The following MFAP5 variants were observed in gnomAD, a reference collection of about 807,000 sequenced individuals.
MFAP5 encodes the protein microfibril associated protein 5.
In MFAP5, 19 loss-of-function variants were observed where a neutral mutation model predicts 30.1. The ratio of observed to expected loss-of-function variants is 0.63; its 90% CI spans 0.44 to 0.93. The LOEUF is 0.93. MFAP5 is among the 40% of genes least tolerant of loss of function. The probability of loss-of-function intolerance (pLI) is 0.00; values close to 1 mark genes in which losing one functional copy is unlikely to be tolerated. For missense variants in MFAP5, 210 were observed against 221.3 expected (o/e 0.95, Z 0.32); for synonymous variants, 92 against 72.9 (o/e 1.26, Z -1.33).
chr12:8,656,649 CATATATAT>C (rs757365767), intron 3 of MFAP5, among the ~76,000 whole-genome samples: 1 of 109,076 alleles, frequency 9.2e-6, no homozygotes, highest in Non-Finnish European at 1.9e-5. Context: ...CACACACACA[CATATATAT>C]ATATATATAT....
chr12:8,655,192 C>A (rs1243954382), intron 5 of MFAP5, among the ~76,000 whole-genome samples: 1 of 151,838 alleles, frequency 6.6e-6, no homozygotes, highest in Non-Finnish European at 1.5e-5. Flanking sequence ...GCAGGAGAAC[C>A]ACTTGAACCC....
rs1482337777 is a variant in MFAP5, at chr12:8,662,098, G to A, written c.7C>T (p.Leu3Phe). 6.1e-5 allele frequency: 98 copies of A among 1,613,492 alleles called. No individual in the cohort carries two copies. The Admixed American group carries it at 1.1e-3, about 17-fold the overall frequency. ...AACAGCAGCACCTTGGGTCCCAAGA[G>A]CGACATATCTATAGGGGTGGTGGGC... MSLLGPKVLLFLA... is the reference protein window; with the variant it reads MSFLGPKVLLFLA... Residue 3 changes from leucine (L) to phenylalanine (F), a missense_variant, in exon 2 of 10, where the codon CTC becomes TTC. By Grantham distance (22) the Leu-to-Phe change is conservative. Coordinates refer to ENST00000359478, the MANE Select transcript of MFAP5 (RefSeq NM_003480.4).
rs371748121 is a variant in MFAP5 at position 8,660,915 on chromosome 12, G to A, written c.59-17C>T. The A allele has an allele frequency of 6.2e-7, 1 of 1,606,926 alleles. No individual in the cohort carries two copies. The highest frequency in any genetic ancestry group is 8.5e-7 in the Non-Finnish European group (1 of 1,174,140). ...GTATCCAGTCTATAGCAAAGGAAGA[G>A]AAAAGAGATGTGAGTGACTGCAGCT... On this transcript the variant is annotated splice_polypyrimidine_tract_variant and intron_variant, in intron 2 of 9. Transcript: ENST00000359478.
chr12:8,655,732 TTATC>T lies in MFAP5; in HGVS notation c.139+50_139+53del, dbSNP rs3217474. The T allele has an allele frequency of 8.8e-4, 1,375 of 1,569,286 alleles. 2 individuals carry two copies. Among genetic ancestry groups the T allele is most frequent in the African/African-American group, 8.0e-3 (589 of 73,854 alleles). Reference sequence around the variant, plus strand: ...TTTTTCTTTATGTAGACATGATCCTTTATCTATCCCCAATAAAACAGCAAACAAA... The same window carrying T: ...TTTTTCTTTATGTAGACATGATCCTTTATCCCCAATAAAACAGCAAACAAA... On this transcript the variant is annotated intron_variant, in intron 4 of 9. Transcript: ENST00000359478.
chr12:8,654,343 T>C (rs990343933), intron 6 of MFAP5, 94 bp downstream of exon 6: 2 of 1,259,546 alleles, frequency 1.6e-6, no homozygotes, highest in Non-Finnish European at 2.2e-6. Flanking sequence ...CCTGTCTTTT[T>C]AGGATCCTTC....
intron 6 of MFAP5, among the ~76,000 whole-genome samples, chr12:8,653,956 C>T (rs1474912767): frequency 6.6e-6 from 1 of 152,100 alleles, no homozygotes. Context: ...GAAACCCCAT[C>T]TCTACTAAAA....
At chr12:8,657,802 C>T (rs1288697272) in intron 3 of MFAP5, among the ~76,000 whole-genome samples, 4 of 151,908 alleles carry the variant, frequency 2.6e-5, no homozygotes, top group African/African-American at 4.8e-5. Context: ...GAGCTCCTGA[C>T]CTCAGGTGAT....
In MFAP5 at chr12:8,654,494, A is replaced by G; in HGVS notation, c.173-13T>C. The G allele has an allele frequency of 1.9e-6, 3 of 1,600,060 alleles. No individual in the cohort carries two copies. Among genetic ancestry groups the G allele is most frequent in the Non-Finnish European group, 1.7e-6 (2 of 1,172,966 alleles). On this transcript the variant is annotated splice_polypyrimidine_tract_variant and intron_variant, in intron 5 of 9. Transcript: ENST00000359478. ...AAAACAGCCAAAACTGAAAAGGCAC[A>G]AAACAGCAGGTATGAGGAGGGCTTC...
Position 8,646,204 on chromosome 12 carries a change from G to C in MFAP5, c.*1887C>G, listed in dbSNP as rs1227983014. The C allele has an allele frequency of 6.6e-6, 1 of 152,526 alleles. No individual in the cohort carries two copies. The highest frequency in any genetic ancestry group is 1.5e-5 in the Non-Finnish European group (1 of 68,046). 9.4% of individuals were successfully genotyped at this position (152,526 alleles called of 1,614,324 possible). A position where few individuals can be genotyped will look rare whatever the true frequency, so the allele number is the denominator to read the frequency against. ...TACATTTAATTCTAGAGACTGTAAGGAGTAGAGATTATATGCTTTGGGGCT... is the reference window on the plus strand; with the variant it reads ...TACATTTAATTCTAGAGACTGTAAGCAGTAGAGATTATATGCTTTGGGGCT... On this transcript the variant is annotated 3_prime_UTR_variant, in exon 10 of 10. Coordinates refer to ENST00000359478, the MANE Select transcript of MFAP5 (RefSeq NM_003480.4).
chr12:8,655,563 T>C (rs1257317448), intron 4 of MFAP5, 116 bp from the exon 5 acceptor site: 2 of 1,150,532 alleles, frequency 1.7e-6, no homozygotes, highest in Non-Finnish European at 2.5e-6. Flanking sequence ...TGAAAGCCTG[T>C]GGACTCGGGC....
Position 8,650,537 on chromosome 12 carries a change from C to A in MFAP5, c.300G>T (p.Pro100=), listed in dbSNP as rs1294533558. The change falls in exon 8 of 10, where the codon CCG becomes CCT. Residue 100 remains proline, a synonymous_variant. Coordinates refer to ENST00000359478, the MANE Select transcript of MFAP5 (RefSeq NM_003480.4). ...TCTRLYSVHR[P]VKQCIHQLCF... is the part of the protein sequence containing the mutation. ...ATAACTGATGAATGCATTGTTTAAC[C>A]GGCCGATGCACAGAGTAGAGCCTTG... 1.9e-6 allele frequency: 3 copies of A among 1,614,044 alleles called. No homozygotes were observed. Among genetic ancestry groups the A allele is most frequent in the Non-Finnish European group, 1.7e-6 (2 of 1,180,006 alleles).
chr12:8,655,832 T>A lies in MFAP5; in HGVS notation c.95-2A>T. ...CTGGAGTCGCTTGAGTCACATCGTC[T>A]GAAAAGAAAATTAGAAAACAATTTC... On this transcript the variant is annotated splice_acceptor_variant, in intron 3 of 9. Coordinates refer to ENST00000359478, the MANE Select transcript of MFAP5 (RefSeq NM_003480.4). LOFTEE classifies it high-confidence loss of function. The A allele has an allele frequency of 6.2e-7, 1 of 1,610,322 alleles. No individual in the cohort carries two copies.
chr12:8,660,843 C>T lies in MFAP5; in HGVS notation c.94+20G>A. On this transcript the variant is annotated intron_variant, in intron 3 of 9. Transcript: ENST00000359478. ...CCTGATAAGAACCCCAACAGAGCCG[C>T]TATCCAAGGGTTCACCTACCTCCTC... 1.1e-5 allele frequency: 17 copies of T among 1,606,230 alleles called. No homozygotes were observed. The highest frequency in any genetic ancestry group is 1.4e-5 in the Non-Finnish European group (17 of 1,173,758).
rs747968043 is a variant in MFAP5, at chr12:8,651,655, A to G, written c.247+7T>C. On this transcript the variant is annotated splice_region_variant and intron_variant, in intron 7 of 9. Coordinates refer to ENST00000359478, the MANE Select transcript of MFAP5 (RefSeq NM_003480.4). ...GGCTTAAGAAGGCATGCAAGCAACA[A>G]TCATACCTGCAGTGGTATTTTTTTC... 3 of 1,613,892 alleles carry G rather than the reference A, an allele frequency of 1.9e-6. No homozygotes were observed. Among genetic ancestry groups the G allele is most frequent in the Admixed American group, 1.7e-5 (1 of 60,030 alleles).
At chr12:8,656,435 A>T (rs1181128522) in intron 3 of MFAP5, among the ~76,000 whole-genome samples, 3 of 144,674 alleles carry the variant, frequency 2.1e-5, no homozygotes, top group African/African-American at 7.8e-5. Flanking sequence ...TTTTTTTAAG[A>T]GTCTCGCTCT....
chr12:8,653,016 C>A (rs890611748), intron 6 of MFAP5, among the ~76,000 whole-genome samples: 2 of 151,800 alleles, frequency 1.3e-5, no homozygotes, highest in African/African-American at 2.4e-5. Flanking sequence ...GTGTTGAAAC[C>A]CCGTCTCCAC....
intron 5 of MFAP5, 79 bp from the exon 6 acceptor site, chr12:8,654,560 A>C: frequency 7.3e-7 from 1 of 1,362,696 alleles, no homozygotes; most frequent in Non-Finnish European, 1.0e-6. Flanking sequence ...GGGAGAATGG[A>C]GATACCGTGG....
Position 8,650,586 on chromosome 12 carries a change from C to G in MFAP5, c.251G>C (p.Cys84Ser). The change falls in exon 8 of 10, where the codon TGC becomes TCC. Residue 84 changes from cysteine (C) to serine (S), a missense_variant. Physicochemically the swap from Cys to Ser is moderately radical, Grantham distance 112 (BLOSUM62 -1). Coordinates refer to ENST00000359478, the MANE Select transcript of MFAP5 (RefSeq NM_003480.4). Reference sequence around the variant, plus strand: ...TGTGCAGGTAAATTTCTCATCCCAGCACTCTGAGGAAGCCCAATACAAAAA... The same window carrying G: ...TGTGCAGGTAAATTTCTCATCCCAGGACTCTGAGGAAGCCCAATACAAAAA... ...SLSEKNTTAE[C>S]WDEKFTCTRL... 4 of 1,613,096 alleles carry G rather than the reference C, an allele frequency of 2.5e-6. No individual in the cohort carries two copies. Among genetic ancestry groups the G allele is most frequent in the Non-Finnish European group, 3.4e-6 (4 of 1,179,892 alleles).
At chr12:8,650,462 A>G (rs1167831161) in intron 8 of MFAP5, 40 bp downstream of exon 8, 3 of 1,574,014 alleles carry the variant, frequency 1.9e-6, no homozygotes, top group Non-Finnish European at 1.7e-6. Context: ...CAGAAACACT[A>G]CCATGGAAGA....
Sources: gnomAD v4.1 joint callset for allele counts (sites outside exome capture counted in the v4.1 genomes callset) on GRCh38, gnomAD v4.1.1 for gene constraint, MANE v1.5 for transcripts, NCBI Gene and HGNC (gene_info 2026-07-23, HGNC 2026-07-21) for gene names.